Variants in CACNA1H observed in about 807,000 individuals in gnomAD.
CACNA1H encodes voltage-dependent T-type calcium channel subunit alpha-1H.
A neutral mutation model predicts 192.5 loss-of-function variants in CACNA1H; 149 were observed. The observed-to-expected ratio is 0.77, with a 90% confidence interval of 0.68 to 0.89. CACNA1H has a LOEUF of 0.89. Among genes scored for constraint, CACNA1H ranks in the 40% least tolerant of loss-of-function variants. The probability of loss-of-function intolerance (pLI) is 0.00; values close to 1 mark genes in which losing one functional copy is unlikely to be tolerated. For synonymous variants in CACNA1H, 2,202 were observed against 1,475.2 expected (o/e 1.49, Z -11.29); for missense variants, 4,257 against 3,423.5 (o/e 1.24, Z -6.08).
At position 1,208,836 on chromosome 16, in the gene CACNA1H, G is replaced by A. The variant is rs144298575; in HGVS notation, c.3364-196G>A. On this transcript the variant is annotated intron_variant, in intron 16 of 34. Coordinates refer to ENST00000348261, the MANE Select transcript of CACNA1H (RefSeq NM_021098.3). Reference sequence around the variant, plus strand: ...GCCCAGGGCATCACCCCCGCGAGGCGGACACCCTGACCCTCATGAGCTACG... The same window carrying A: ...GCCCAGGGCATCACCCCCGCGAGGCAGACACCCTGACCCTCATGAGCTACG... Among the ~76,000 whole-genome samples, 1,476 of 152,300 alleles carry A rather than the reference G, an allele frequency of 9.7e-3. 12 individuals are homozygous for A. The highest frequency in any genetic ancestry group is 0.016 in the Non-Finnish European group (1,082 of 68,020).
At chr16:1,187,872 C>T (rs772891639) in intron 2 of CACNA1H, among the ~76,000 whole-genome samples, 16 of 152,220 alleles carry the variant, frequency 1.1e-4, no homozygotes, top group South Asian at 2.1e-4. Flanking sequence ...CCGCCTCCGT[C>T]CCTCTGTAGA....
intron 2 of CACNA1H, among the ~76,000 whole-genome samples, chr16:1,173,785 G>A (rs1964600956): frequency 1.3e-5 from 2 of 152,280 alleles, no homozygotes; most frequent in Non-Finnish European, 2.9e-5. Context: ...ACTCCTGAAA[G>A]GCTGTGGGTG....
rs1163122575 is a variant in CACNA1H at position 1,202,418 on chromosome 16, C to G, written c.1968C>G (p.Pro656=). The G allele has an allele frequency of 6.6e-7, 1 of 1,517,104 alleles. No homozygotes were observed. Among genetic ancestry groups the G allele is most frequent in the Non-Finnish European group, 8.9e-7 (1 of 1,128,752 alleles). The allele number at this position is 1,517,104 out of a possible 1,614,324, so 94.0% of individuals were successfully genotyped here. The change falls in exon 9 of 35, where the codon CCC becomes CCG. Residue 656 remains proline, a synonymous_variant. Transcript: ENST00000348261. ...CGTTGAGCTTGAACAGCCCTGATCC[C>G]TACGAGAAGATCCCGCATGTGGTCG... ...HGPLSLNSPD[P]YEKIPHVVGE... is the part of the protein sequence containing the mutation.
Position 1,195,052 on chromosome 16 carries a change from A to C in CACNA1H, c.380A>C (p.Glu127Ala). The C allele has an allele frequency of 6.3e-7, 1 of 1,593,276 alleles. No homozygotes were observed. The highest frequency in any genetic ancestry group is 8.6e-7 in the Non-Finnish European group (1 of 1,168,082). The change falls in exon 3 of 35, where the codon GAG (glutamate) becomes GCG (alanine). Residue 127 changes from glutamate to alanine, a missense_variant. Transcript: ENST00000348261. The stretch of plus-strand genomic sequence containing the variant: ...ATGTTCCGGCCCTGTGAGGACGTTG[A>C]GTGCGGCTCCGAGCGCTGCAACATC... The part of the protein sequence containing the change: ...LGMFRPCEDV[E>A]CGSERCNILE...
Position 1,198,778 on chromosome 16 carries a change from C to A in CACNA1H, c.803+4C>A. On this transcript the variant is annotated splice_donor_region_variant and intron_variant, in intron 6 of 34. Coordinates refer to ENST00000348261, the MANE Select transcript of CACNA1H (RefSeq NM_021098.3). Reference sequence around the variant, plus strand: ...TCCTGGACAGTGCCTTTGTCAGGTGCCCAGGCCCCACCCCCGTGAGGCCCC... The same window carrying A: ...TCCTGGACAGTGCCTTTGTCAGGTGACCAGGCCCCACCCCCGTGAGGCCCC... 1.0e-5 allele frequency: 16 copies of A among 1,607,802 alleles called. No individual in the cohort carries two copies. Among genetic ancestry groups the A allele is most frequent in the African/African-American group, 1.3e-5 (1 of 74,920 alleles).
chr16:1,211,772 C>G lies in CACNA1H; in HGVS notation c.4533C>G (p.Tyr1511Ter), dbSNP rs781521918. ...AGGATGGATGGGTGAACATCATGTA[C>G]GACGGGCTGGATGCCGTGGGTGTCG... is the stretch of plus-strand genomic sequence containing the variant. ...SSKDGWVNIM[Y>*]DGLDAVGVDQ... The change falls in exon 24 of 35, where the codon TAC (tyrosine) becomes TAG (stop). Residue 1511 changes from tyrosine (Y) to a stop codon, truncating the protein, a stop_gained. Coordinates refer to ENST00000348261, the MANE Select transcript of CACNA1H (RefSeq NM_021098.3). LOFTEE classifies it high-confidence loss of function. The G allele has an allele frequency of 6.2e-7, 1 of 1,612,726 alleles. No homozygotes were observed. Among genetic ancestry groups the G allele is most frequent in the Non-Finnish European group, 8.5e-7 (1 of 1,179,740 alleles).
At chr16:1,187,431 TC>T (rs1966183217) in intron 2 of CACNA1H, among the ~76,000 whole-genome samples, 1 of 152,212 alleles carries the variant, frequency 6.6e-6, no homozygotes, top group African/African-American at 2.4e-5. Flanking sequence ...CCCACCTTGC[TC>T]TGGGCTTCTC....
intron 2 of CACNA1H, among the ~76,000 whole-genome samples, chr16:1,186,340 T>C (rs963501222): frequency 7.9e-5 from 12 of 151,924 alleles, no homozygotes; most frequent in African/African-American, 2.7e-4. Context: ...AAGGCAGGGG[T>C]CCAGCCTGCC....
chr16:1,196,566 A>C (rs1312245645), intron 5 of CACNA1H, among the ~76,000 whole-genome samples: 1 of 152,206 alleles, frequency 6.6e-6, no homozygotes, highest in Non-Finnish European at 1.5e-5. Flanking sequence ...ACCTAAGGAA[A>C]GGGGAAGTTG....
chr16:1,178,627 T>G (rs2151745188), intron 2 of CACNA1H, among the ~76,000 whole-genome samples: 1 of 152,128 alleles, frequency 6.6e-6, no homozygotes, highest in South Asian at 2.1e-4. Context: ...GAGCGTCTGT[T>G]GCTTCAGCCG....
chr16:1,215,631 G>A lies in CACNA1H; in HGVS notation c.5244+38G>A, dbSNP rs533633697. On this transcript the variant is annotated intron_variant, in intron 30 of 34. Transcript: ENST00000348261. Reference sequence around the variant, plus strand: ...CGCGCCATCCTCAGCGCAGGCCCCCGGAAGACGGGGTTGCAGGGAGCGCCT... The same window carrying A: ...CGCGCCATCCTCAGCGCAGGCCCCCAGAAGACGGGGTTGCAGGGAGCGCCT... 26 of 1,569,568 alleles carry A rather than the reference G, an allele frequency of 1.7e-5. No individual in the cohort carries two copies. The East Asian group carries it at 2.1e-4, about 12-fold the overall frequency.
Position 1,204,577 on chromosome 16 carries a change from T to C in CACNA1H, c.2451+119T>C, listed in dbSNP as rs11640345. On this transcript the variant is annotated intron_variant, in intron 10 of 34. Coordinates refer to ENST00000348261, the MANE Select transcript of CACNA1H (RefSeq NM_021098.3). ...TGATGGTAGGACGGTCAGGCAGGGC[T>C]CTAGAAAGCCGGGGATGGTGAGGAT... The C allele has an allele frequency of 0.17, 126,634 of 764,832 alleles. 12,678 individuals carry two copies. Among genetic ancestry groups the C allele is most frequent in the African/African-American group, 0.39 (22,105 of 56,486 alleles). 47.4% of individuals were successfully genotyped at this position (764,832 alleles called of 1,614,324 possible).
At chr16:1,213,481 G>C (rs1160958829) in intron 26 of CACNA1H, among the ~76,000 whole-genome samples, 1 of 152,086 alleles carries the variant, frequency 6.6e-6, no homozygotes, top group African/African-American at 2.4e-5. Context: ...CCGCGTTGCT[G>C]AGGAGGAGGT....
intron 2 of CACNA1H, among the ~76,000 whole-genome samples, chr16:1,170,806 T>C (rs1204337664): frequency 6.6e-6 from 1 of 152,116 alleles, no homozygotes; most frequent in Non-Finnish European, 1.5e-5. Flanking sequence ...CTGCACCCCT[T>C]CTTTCCTGTG....
chr16:1,195,777 G>T (rs1270424215), intron 4 of CACNA1H, 149 bp from the exon 5 acceptor site: 1 of 856,850 alleles, frequency 1.2e-6, no homozygotes, highest in African/African-American at 1.7e-5. Context: ...TTGTGCTCCT[G>T]CTACCTCGGG....
intron 9 of CACNA1H, among the ~76,000 whole-genome samples, chr16:1,202,686 G>A (rs868104392): frequency 6.6e-5 from 10 of 152,308 alleles, no homozygotes; most frequent in Middle Eastern, 3.4e-3. Context: ...AGGAGTGGTA[G>A]CCGCGGAGGT....
At chr16:1,157,551 T>G (rs1028368823) in intron 2 of CACNA1H, 5 of 152,264 alleles carry the variant, frequency 3.3e-5, no homozygotes, top group Admixed American at 2.6e-4. Flanking sequence ...GGCACCCGTC[T>G]GGAAAGGGCC....
At chr16:1,217,217 A>AG (rs1391886143) in intron 31 of CACNA1H, among the ~76,000 whole-genome samples, 1 of 152,238 alleles carries the variant, frequency 6.6e-6, no homozygotes, top group Non-Finnish European at 1.5e-5. Context: ...GCATGTGCCC[A>AG]GGCTTGTGAC....
At chr16:1,211,011 CA>C (rs750904098) in intron 21 of CACNA1H, 40 bp downstream of exon 21, 29 of 1,579,292 alleles carry the variant, frequency 1.8e-5, no homozygotes, top group Non-Finnish European at 2.5e-5. Flanking sequence ...AACCTGGAAG[CA>C]CAGTCCCCTG....
Sources: allele counts gnomAD v4.1 joint callset (sites outside exome capture counted in the v4.1 genomes callset), GRCh38; gene constraint gnomAD v4.1.1; transcripts MANE v1.5; gene names NCBI Gene and HGNC (gene_info 2026-07-23, HGNC 2026-07-21).